The following IQGAP2 variants were observed in gnomAD, a reference collection of about 807,000 sequenced individuals.
The protein encoded by IQGAP2 is IQ motif containing GTPase activating protein 2.
In IQGAP2, 173 loss-of-function variants were observed where a neutral mutation model predicts 201.3. The observed-to-expected ratio is 0.86, with a 90% CI of 0.76 to 0.98. The LOEUF is 0.98. IQGAP2 is among the 50% of genes least tolerant of loss of function. IQGAP2 has a pLI of 0.00. For missense variants in IQGAP2, 1,687 were observed against 1,864.8 expected (o/e 0.90, Z 1.76); for synonymous variants, 675 against 673.9 (o/e 1.00, Z -0.03).
chr5:76,639,335 T>C (rs576977823), intron 16 of IQGAP2, among the ~76,000 whole-genome samples: 3 of 152,228 alleles, frequency 2.0e-5, no homozygotes, highest in African/African-American at 7.2e-5. Context: ...GCATTGTTTT[T>C]GACACAGTCA....
intron 4 of IQGAP2, among the ~76,000 whole-genome samples, chr5:76,572,212 TA>T (rs1359576799): frequency 2.0e-5 from 3 of 148,862 alleles, no homozygotes; most frequent in African/African-American, 7.4e-5. Context: ...TATGTACAGC[TA>T]TTTTTTTTTT....
intron 1 of IQGAP2, among the ~76,000 whole-genome samples, chr5:76,442,332 A>T (rs956224485): frequency 2.6e-5 from 4 of 152,312 alleles, no homozygotes; most frequent in African/African-American, 9.6e-5. Context: ...TAATAGTCTG[A>T]TCTCATTTCC....
intron 30 of IQGAP2, among the ~76,000 whole-genome samples, chr5:76,690,652 TA>T (rs1746186613): frequency 6.6e-6 from 1 of 152,206 alleles, no homozygotes; most frequent in Non-Finnish European, 1.5e-5. Flanking sequence ...AGCCTTATTT[TA>T]AAAAGAAATA....
intron 2 of IQGAP2, among the ~76,000 whole-genome samples, chr5:76,508,735 C>A (rs1396880152): frequency 6.7e-6 from 1 of 150,156 alleles, no homozygotes; most frequent in Non-Finnish European, 1.5e-5. Context: ...GAGAGGCATA[C>A]AAATTCATAG....
At chr5:76,535,292 G>A (rs1759551845) in intron 2 of IQGAP2, among the ~76,000 whole-genome samples, 1 of 152,102 alleles carries the variant, frequency 6.6e-6, no homozygotes. Flanking sequence ...ATACAGGTGA[G>A]GGATACTTTG....
intron 2 of IQGAP2, among the ~76,000 whole-genome samples, chr5:76,504,036 C>A (rs776474119): frequency 1.4e-4 from 22 of 152,170 alleles, no homozygotes; most frequent in Admixed American, 3.9e-4. Context: ...TTTTCAAATG[C>A]CCTGCTAAAG....
Position 76,562,518 on chromosome 5 carries a change from A to G in IQGAP2, c.269A>G (p.Lys90Arg), listed in dbSNP as rs1461180566. 1.9e-6 allele frequency: 3 copies of G among 1,613,990 alleles called. No individual in the cohort carries two copies. The highest frequency in any genetic ancestry group is 2.5e-6 in the Non-Finnish European group (3 of 1,179,938). ...KFFAPKMVSEKKIYDVEQTRY... is the reference protein window; with the variant it reads ...KFFAPKMVSERKIYDVEQTRY... Reference sequence around the variant, plus strand: ...TTTGCCCCGAAAATGGTATCAGAGAAAAAGATCTATGATGTGGAACAAACA... The same window carrying G: ...TTTGCCCCGAAAATGGTATCAGAGAGAAAGATCTATGATGTGGAACAAACA... Residue 90 changes from lysine to arginine, a missense_variant, in exon 3 of 36, where the codon AAA becomes AGA. Coordinates refer to ENST00000274364, the MANE Select transcript of IQGAP2 (RefSeq NM_006633.5).
chr5:76,526,504 T>A (rs918687905), intron 2 of IQGAP2, among the ~76,000 whole-genome samples: 1 of 151,844 alleles, frequency 6.6e-6, no homozygotes, highest in African/African-American at 2.4e-5. Flanking sequence ...TGGAAAGGAG[T>A]CTATTAGGAA....
intron 1 of IQGAP2, among the ~76,000 whole-genome samples, chr5:76,444,142 T>C (rs1043357754): frequency 1.3e-5 from 2 of 152,124 alleles, no homozygotes; most frequent in South Asian, 2.1e-4. Flanking sequence ...TCCCATCACA[T>C]TGGGAGGCCA....
intron 4 of IQGAP2, among the ~76,000 whole-genome samples, chr5:76,571,783 C>T (rs778545095): frequency 1.3e-5 from 2 of 152,166 alleles, no homozygotes; most frequent in African/African-American, 4.8e-5. Context: ...ATTCAGCTTT[C>T]CCCTAGTGGT....
At chr5:76,418,904 G>A (rs1287287102) in intron 1 of IQGAP2, among the ~76,000 whole-genome samples, 1 of 152,140 alleles carries the variant, frequency 6.6e-6, no homozygotes, top group Non-Finnish European at 1.5e-5. Context: ...CAGCGGGCCA[G>A]CCTCCTAGGT....
chr5:76,503,167 T>G (rs913290501), intron 2 of IQGAP2, among the ~76,000 whole-genome samples: 1 of 124,134 alleles, frequency 8.1e-6, no homozygotes, highest in Non-Finnish European at 1.7e-5. Context: ...TCTTTTTCTT[T>G]TCTTTTCTTT....
At chr5:76,426,039 T>C (rs1378742692) in intron 1 of IQGAP2, among the ~76,000 whole-genome samples, 1 of 152,176 alleles carries the variant, frequency 6.6e-6, no homozygotes, top group South Asian at 2.1e-4. Flanking sequence ...GATTAGAATG[T>C]GTTTGCGCAG....
At chr5:76,609,139 G>A in intron 12 of IQGAP2, 1 of 1,535,894 alleles carries the variant, frequency 6.5e-7, no homozygotes, top group Non-Finnish European at 8.7e-7. Flanking sequence ...AACTTTAGCA[G>A]GTGATTTCAA....
chr5:76,441,507 G>A (rs778805876), intron 1 of IQGAP2: 24 of 985,266 alleles, frequency 2.4e-5, no homozygotes, highest in South Asian at 9.4e-5. Flanking sequence ...GGAAGAAAGC[G>A]AGCATGTTGG....
chr5:76,500,824 G>A (rs954505248), intron 2 of IQGAP2, among the ~76,000 whole-genome samples: 2 of 152,112 alleles, frequency 1.3e-5, no homozygotes, highest in African/African-American at 2.4e-5. Context: ...TTCCGGTACC[G>A]TGCCTTATAT....
intron 12 of IQGAP2, chr5:76,608,928 G>A (rs1388785715): frequency 1.7e-6 from 1 of 584,554 alleles, no homozygotes. Context: ...GAATGTTATA[G>A]TAACATGTGT....
chr5:76,540,155 G>A (rs1026735464), intron 2 of IQGAP2, among the ~76,000 whole-genome samples: 3 of 152,176 alleles, frequency 2.0e-5, no homozygotes, highest in African/African-American at 7.2e-5. Context: ...CTCTTGGATG[G>A]ATTGTTTGAC....
rs542860302 is a variant in IQGAP2 at position 76,414,065 on chromosome 5, GGAATC to G, written c.46+10478_46+10482del. ...ACTAACTGGAATGTTGAAGCCATTAGGAATCGAAAACCTGGGCCGCAACTCACGTG... is the reference window on the plus strand; with the variant it reads ...ACTAACTGGAATGTTGAAGCCATTAGGAAAACCTGGGCCGCAACTCACGTG... On this transcript the variant is annotated intron_variant, in intron 1 of 35. Transcript: ENST00000274364. 1.2e-3 allele frequency among the ~76,000 whole-genome samples: 179 copies of G among 152,314 alleles called. 1 individual carries two copies. Among genetic ancestry groups the G allele is most frequent in the African/African-American group, 4.2e-3 (176 of 41,554 alleles).
Sources: allele counts gnomAD v4.1 joint callset (sites outside exome capture counted in the v4.1 genomes callset), GRCh38; gene constraint gnomAD v4.1.1; transcripts MANE v1.5; gene names NCBI Gene and HGNC (gene_info 2026-07-23, HGNC 2026-07-21).